TTN: variants seen among roughly 807,000 people sequenced by gnomAD.
TTN encodes connectin.
In TTN, 1,525 loss-of-function variants were observed where a neutral mutation model predicts 3,223.0. The ratio of observed to expected loss-of-function variants is 0.47; its 90% confidence interval spans 0.45 to 0.49. The LOEUF (loss-of-function observed/expected upper bound fraction) is 0.49. Among genes scored for constraint, TTN ranks in the 20% least tolerant of loss-of-function variants. The pLI, the probability that TTN is intolerant of heterozygous loss-of-function variation, is 0.00. For missense variants in TTN, 40,786 were observed against 43,424.0 expected, an observed-to-expected ratio of 0.94 and a Z score of 5.40; for synonymous variants, 14,094 against 15,161.0, an observed-to-expected ratio of 0.93 and a Z score of 5.17.
chr2:178,567,556 T>A lies in TTN; in HGVS notation c.78576A>T (p.Arg26192Ser), dbSNP rs1706363622. The change falls in exon 326 of 363, where the codon AGA (arginine) becomes AGT (serine). Residue 26192 changes from arginine to serine, a missense_variant. Physicochemically the swap from Arg to Ser is moderately radical, Grantham distance 110 (BLOSUM62 -1). Transcript: ENST00000589042. ...CTCTGAATTTTGGATCCATTGAAAT[T>A]CTTGGGAGTTCAACCTCATCCTTGG... ...ITAKDEVELP[R>S]ISMDPKFRDT... 9 of 1,609,816 alleles carry A rather than the reference T, an allele frequency of 5.6e-6. No homozygotes were observed. The highest frequency in any genetic ancestry group is 7.6e-6 in the Non-Finnish European group (9 of 1,177,712).
Position 178,598,561 on chromosome 2 carries a change from T to G in TTN, c.57056A>C (p.Lys19019Thr). Residue 19019 changes from lysine (K) to threonine (T), a missense_variant, in exon 292 of 363, where the codon AAA (lysine) becomes ACA (threonine). Lys to Thr is a moderately conservative substitution (Grantham distance 78). Transcript: ENST00000589042. ...ATATTCAACGATGTATCCAGTTACT[T>G]TGGATCCACCATCTTTTAGTGGGGG... ...WSPPLKDGGS[K>T]VTGYIVEYKE... 1 of 1,608,626 alleles carries G rather than the reference T, an allele frequency of 6.2e-7. No individual in the cohort carries two copies. The highest frequency in any genetic ancestry group is 1.3e-5 in the African/African-American group (1 of 74,638).
chr2:178,774,391 G>A lies in TTN; in HGVS notation c.6873C>T (p.Ser2291=), dbSNP rs768620369. The A allele has an allele frequency of 6.2e-7, 1 of 1,613,842 alleles. No individual in the cohort carries two copies. The highest frequency in any genetic ancestry group is 1.1e-5 in the South Asian group (1 of 91,074). The change falls in exon 30 of 363, where the codon TCC becomes TCT. Residue 2291 remains serine, a synonymous_variant. Transcript: ENST00000589042. The stretch of plus-strand genomic sequence containing the variant: ...ACCATTTTCCTTCTATATTTTCTGG[G>A]GATACAATGCACTCTAATTCTCCTG... The part of the protein sequence containing the change: ...SYSGELECIV[S]PENIEGKWYH...
rs1429840010 is a variant in TTN, at chr2:178,542,768, A to T, written c.97086T>A (p.Ala32362=). 1 of 1,613,792 alleles carries T rather than the reference A, an allele frequency of 6.2e-7. No individual in the cohort carries two copies. The highest frequency in any genetic ancestry group is 1.3e-5 in the African/African-American group (1 of 75,012). ...RVTVETHTKV[A]KLTIRETTIR... Reference sequence around the variant, plus strand: ...TAGTGGTTTCACGGATGGTTAATTTAGCTACTTTAGTGTGAGTTTCAACTG... The same window carrying T: ...TAGTGGTTTCACGGATGGTTAATTTTGCTACTTTAGTGTGAGTTTCAACTG... Residue 32362 remains alanine (A), a synonymous_variant, in exon 348 of 363, where the codon GCT becomes GCA. Coordinates refer to ENST00000589042, the MANE Select transcript of TTN (RefSeq NM_001267550.2).
chr2:178,724,784 T>C (rs138853959), intron 71 of TTN: 3 of 347,768 alleles, frequency 8.6e-6, no homozygotes, highest in South Asian at 1.2e-4. Flanking sequence ...TGTCGTCTTA[T>C]GTAGCAATTA....
intron 259 of TTN, 121 bp from the exon 260 acceptor site, chr2:178,615,089 G>A: frequency 9.8e-7 from 1 of 1,024,500 alleles, no homozygotes; most frequent in Non-Finnish European, 1.4e-6. Flanking sequence ...ATTAAACCTG[G>A]ATTACTTCAA....
intron 96 of TTN, 109 bp from the exon 97 acceptor site, chr2:178,711,458 AATT>A (rs1357202144): frequency 8.5e-7 from 1 of 1,180,298 alleles, no homozygotes; most frequent in Admixed American, 3.0e-5. Context: ...AAAAATCAGG[AATT>A]ATTAATGTCT....
Position 178,734,944 on chromosome 2 carries a change from G to C in TTN, c.14980C>G (p.Leu4994Val). The change falls in exon 51 of 363, where the codon CTC becomes GTC. Residue 4994 changes from leucine to valine, a missense_variant. Physicochemically the swap from Leu to Val is conservative, Grantham distance 32 (BLOSUM62 1). Transcript: ENST00000589042. ...VKKVDPSYLM[L>V]PGESARLHCK... Reference sequence around the variant, plus strand: ...TGGAGGCGTGCTGATTCACCTGGGAGCATTAAATAAGAGGGATCCACCTTC... The same window carrying C: ...TGGAGGCGTGCTGATTCACCTGGGACCATTAAATAAGAGGGATCCACCTTC... The C allele has an allele frequency of 6.2e-7, 1 of 1,607,060 alleles. No individual in the cohort carries two copies. The highest frequency in any genetic ancestry group is 8.5e-7 in the Non-Finnish European group (1 of 1,176,088).
At chr2:178,696,378 T>A in intron 113 of TTN, 109 bp from the exon 114 acceptor site, 1 of 1,035,572 alleles carries the variant, frequency 9.7e-7, no homozygotes, top group Non-Finnish European at 1.3e-6. Context: ...TCTATTTTAT[T>A]GATAATTTGT....
rs1227757855 is a variant in TTN, at chr2:178,581,981, C to G, written c.66388G>C (p.Val22130Leu). 1.4e-5 allele frequency: 22 copies of G among 1,613,196 alleles called. No individual in the cohort carries two copies. The East Asian group carries it at 1.6e-4, about 11-fold the overall frequency. ...LQEGTEYEFR[V>L]TAINKAGPGK... ...GGTCCAGCTTTATTTATAGCTGTAA[C>G]ACGGAACTCATATTCGGTACCTTCT... Residue 22130 changes from valine (V) to leucine (L), a missense_variant, in exon 315 of 363, where the codon GTT becomes CTT. Physicochemically the swap from Val to Leu is conservative, Grantham distance 32 (BLOSUM62 1). Transcript: ENST00000589042.
At chr2:178,587,837 G>T in intron 305 of TTN, 37 bp from the exon 306 acceptor site, 1 of 1,566,330 alleles carries the variant, frequency 6.4e-7, no homozygotes, top group Non-Finnish European at 8.7e-7. Flanking sequence ...TGATTTTTCA[G>T]AATGTGGGGA....
rs1060500485 is a variant in TTN at position 178,607,245 on chromosome 2, G to C, written c.53357C>G (p.Ser17786Cys). 5 of 1,612,900 alleles carry C rather than the reference G, an allele frequency of 3.1e-6. No individual in the cohort carries two copies. In the South Asian group the frequency reaches 5.5e-5, roughly 18 times the overall value. The change falls in exon 278 of 363, where the codon TCT becomes TGT. Residue 17786 changes from serine (S) to cysteine (C), a missense_variant. Physicochemically the swap from Ser to Cys is moderately radical, Grantham distance 112. Coordinates refer to ENST00000589042, the MANE Select transcript of TTN (RefSeq NM_001267550.2). ...ACTTCCTCCATCATCTTCTGGATCAGACCAGTTAAGTAGACACATTTTTCT... is the reference window on the plus strand; with the variant it reads ...ACTTCCTCCATCATCTTCTGGATCACACCAGTTAAGTAGACACATTTTTCT... ...TNRKMCLLNW[S>C]DPEDDGGSEI... is the part of the protein sequence containing the mutation.
In TTN at chr2:178,547,784, C is replaced by T; in HGVS notation, c.93842G>A (p.Gly31281Asp). 3.1e-6 allele frequency: 5 copies of T among 1,613,870 alleles called. No individual in the cohort carries two copies. Among genetic ancestry groups the T allele is most frequent in the East Asian group, 4.5e-5 (2 of 44,858 alleles). Residue 31281 changes from glycine (G) to aspartate (D), a missense_variant, in exon 339 of 363, where the codon GGT (glycine) becomes GAT (aspartate). Physicochemically the swap from Gly to Asp is moderately conservative, Grantham distance 94. Transcript: ENST00000589042. ...TTLTVKDSMRGDSGRYFLTLE... is the reference protein window; with the variant it reads ...TTLTVKDSMRDDSGRYFLTLE... ...GGTCAAGAAGTATCTTCCAGAGTCA[C>T]CTCTCATGCTGTCCTTTACAGTCAG...
chr2:178,733,383 T>C lies in TTN; in HGVS notation c.15910A>G (p.Ser5304Gly). 1 of 1,613,852 alleles carries C rather than the reference T, an allele frequency of 6.2e-7. No individual in the cohort carries two copies. The highest frequency in any genetic ancestry group is 8.5e-7 in the Non-Finnish European group (1 of 1,179,794). ...TTAAAACTTATTCGGTATTTTTTAC[T>C]GGCGACCAAGGGTCTCCCATCTTTG... is the stretch of plus-strand genomic sequence containing the variant. The part of the protein sequence containing the change: ...WYKDGRPLVA[S>G]KKYRISFKNN... The change falls in exon 54 of 363, where the codon AGT becomes GGT. Residue 5304 changes from serine (S) to glycine (G), a missense_variant. Transcript: ENST00000589042.
In TTN at chr2:178,553,165, A is replaced by G. The variant is rs748326514; in HGVS notation, c.89735T>C (p.Leu29912Pro). 8.7e-6 allele frequency: 14 copies of G among 1,613,668 alleles called. No homozygotes were observed. The highest frequency in any genetic ancestry group is 3.3e-5 in the Admixed American group (2 of 60,024). Residue 29912 changes from leucine (L) to proline (P), a missense_variant, in exon 335 of 363, where the codon CTC becomes CCC. Transcript: ENST00000589042. ...TTCACCAACTCCATTTTCTATTGTGAGAATATATTTTCCTGTATCATTGCG... is the reference window on the plus strand; with the variant it reads ...TTCACCAACTCCATTTTCTATTGTGGGAATATATTTTCCTGTATCATTGCG... ...VTRNDTGKYI[L>P]TIENGVGEPK... is the part of the protein sequence containing the mutation.
Position 178,636,739 on chromosome 2 carries a change from C to T in TTN, c.40988G>A (p.Ser13663Asn), listed in dbSNP as rs1060500537. ...TTCATCAGGAGGTTTCTCTCCACCA[C>T]TTCCTGGCCTTAACTTTCTCCTTTC... ...EAERRKLRPG[S>N]GGEKPPDEAP... is the part of the protein sequence containing the mutation. Residue 13663 changes from serine (S) to asparagine (N), a missense_variant, in exon 225 of 363, where the codon AGT becomes AAT. Physicochemically the swap from Ser to Asn is conservative, Grantham distance 46. Coordinates refer to ENST00000589042, the MANE Select transcript of TTN (RefSeq NM_001267550.2). This position sits in a 1 kb window ranked among gnomAD's most constrained non-coding sequence, Gnocchi z 4.3. 1.9e-6 allele frequency: 3 copies of T among 1,611,740 alleles called. No individual in the cohort carries two copies. The highest frequency in any genetic ancestry group is 2.2e-5 in the East Asian group (1 of 44,710).
chr2:178,671,232 C>G, intron 155 of TTN, 62 bp from the exon 156 acceptor site: 1 of 1,253,154 alleles, frequency 8.0e-7, no homozygotes, highest in Non-Finnish European at 1.1e-6. Flanking sequence ...AGCACTACTA[C>G]TAACGTTAGT....
rs775911087 is a variant in TTN at position 178,579,842 on chromosome 2, G to T, written c.67355C>A (p.Pro22452His). Residue 22452 changes from proline to histidine, a missense_variant, in exon 319 of 363, where the codon CCT (proline) becomes CAT (histidine). Physicochemically the swap from Pro to His is moderately conservative, Grantham distance 77. Transcript: ENST00000589042. Reference sequence around the variant, plus strand: ...CACTTTCAGGTCCACAACTGGTCCAGGAGTTTCTAAAGCAAAGGAGAAATG... The same window carrying T: ...CACTTTCAGGTCCACAACTGGTCCATGAGTTTCTAAAGCAAAGGAGAAATG... ...TRDAVKASQT[P>H]GPVVDLKVRS... is the part of the protein sequence containing the mutation. The T allele has an allele frequency of 2.2e-5, 35 of 1,612,830 alleles. 1 individual carries two copies. In the East Asian group the frequency reaches 7.8e-4, roughly 36 times the overall value.
At position 178,554,174 on chromosome 2, in the gene TTN, G is replaced by T. The variant is rs1338218286; in HGVS notation, c.88937C>A (p.Thr29646Asn). The T allele has an allele frequency of 1.2e-6, 2 of 1,609,226 alleles. No homozygotes were observed. The highest frequency in any genetic ancestry group is 2.7e-5 in the African/African-American group (2 of 74,546). ...PPGIPEVTKITKNSMTVVWSR... is the reference protein window; with the variant it reads ...PPGIPEVTKINKNSMTVVWSR... ...CCATACAACAGTCATCGAATTCTTG[G>T]TAATCTTTGTCACTTCTGGTATGCC... Residue 29646 changes from threonine (T) to asparagine (N), a missense_variant, in exon 333 of 363, where the codon ACC becomes AAC. Physicochemically the swap from Thr to Asn is moderately conservative, Grantham distance 65 (BLOSUM62 0). Coordinates refer to ENST00000589042, the MANE Select transcript of TTN (RefSeq NM_001267550.2).
intron 41 of TTN, among the ~76,000 whole-genome samples, 185 bp downstream of exon 41, chr2:178,766,196 A>C (rs2090372571): frequency 6.6e-6 from 1 of 152,170 alleles, no homozygotes; most frequent in Non-Finnish European, 1.5e-5. Context: ...ATAACTTCTC[A>C]ATAGGTCTTT....
Sources: gnomAD v4.1 joint callset for allele counts (sites outside exome capture counted in the v4.1 genomes callset) on GRCh38, gnomAD v4.1.1 for gene constraint, Gnocchi (gnomAD v3.1) non-coding constraint, MANE v1.5 for transcripts, NCBI Gene and HGNC (gene_info 2026-07-23, HGNC 2026-07-21) for gene names.